Variants in PDE3A observed in about 807,000 individuals in gnomAD.
The protein encoded by PDE3A is phosphodiesterase 3A, also known as cGMP-inhibited 3',5'-cyclic phosphodiesterase 3A.
A neutral mutation model predicts 98.3 loss-of-function variants in PDE3A; 43 were observed. The observed-to-expected ratio is 0.44, with a 90% CI of 0.34 to 0.56. The LOEUF (loss-of-function observed/expected upper bound fraction) is 0.56, where lower values mean the gene tolerates loss of function less well. Ranked by LOEUF, PDE3A falls within the 20% of genes least tolerant of loss-of-function variation. PDE3A has a pLI of 0.01. For synonymous variants in PDE3A, 663 were observed against 567.9 expected (o/e 1.17, Z -2.38); for missense variants, 1,427 against 1,440.7 (o/e 0.99, Z 0.15).
chr12:20,644,336 C>A (rs966552854), intron 10 of PDE3A, among the ~76,000 whole-genome samples: 1 of 152,160 alleles, frequency 6.6e-6, no homozygotes, highest in South Asian at 2.1e-4. Context: ...AATGTTTACA[C>A]AAATTACAAA....
intron 1 of PDE3A, among the ~76,000 whole-genome samples, chr12:20,505,641 T>C (rs1474168373): frequency 2.0e-5 from 3 of 152,162 alleles, no homozygotes; most frequent in Non-Finnish European, 4.4e-5. Context: ...AGCAGATTTA[T>C]CATGCCATTT....
At chr12:20,424,756 A>T (rs1944576780) in intron 1 of PDE3A, among the ~76,000 whole-genome samples, 1 of 152,224 alleles carries the variant, frequency 6.6e-6, no homozygotes, top group Non-Finnish European at 1.5e-5. Flanking sequence ...ACAAACTGTT[A>T]AGTCTTAACA....
rs1943928611 is a variant in PDE3A at position 20,613,716 on chromosome 12, A to T, written c.1269+16A>T. On this transcript the variant is annotated intron_variant, in intron 3 of 15. Coordinates refer to ENST00000359062, the MANE Select transcript of PDE3A (RefSeq NM_000921.5). ...TATTCCAAAGGTAGGTAGTAATGACATACCCCTTAAAGGGTTAAACTATTT... is the reference window on the plus strand; with the variant it reads ...TATTCCAAAGGTAGGTAGTAATGACTTACCCCTTAAAGGGTTAAACTATTT... The T allele has an allele frequency of 1.9e-6, 3 of 1,600,298 alleles. No homozygotes were observed. Among genetic ancestry groups the T allele is most frequent in the Non-Finnish European group, 2.6e-6 (3 of 1,167,494 alleles).
intron 15 of PDE3A, among the ~76,000 whole-genome samples, chr12:20,667,548 G>T (rs116493202): frequency 6.6e-6 from 1 of 152,104 alleles, no homozygotes; most frequent in Admixed American, 6.5e-5. Context: ...TTCAATATAT[G>T]TTCTTGGCAC....
chr12:20,605,588 G>T (rs990545066), intron 2 of PDE3A, among the ~76,000 whole-genome samples: 2 of 151,976 alleles, frequency 1.3e-5, no homozygotes, highest in African/African-American at 2.4e-5. Context: ...AAAAGATCCC[G>T]CCCAGTTCTC....
chr12:20,450,407 G>A (rs926566249), intron 1 of PDE3A, among the ~76,000 whole-genome samples: 1 of 152,120 alleles, frequency 6.6e-6, no homozygotes, highest in Non-Finnish European at 1.5e-5. Flanking sequence ...CCATATTCTT[G>A]AACCTTTTAG....
At chr12:20,597,956 CA>C (rs1592095317) in intron 2 of PDE3A, among the ~76,000 whole-genome samples, 2 of 151,624 alleles carry the variant, frequency 1.3e-5, no homozygotes, top group East Asian at 3.9e-4. Flanking sequence ...AACAAACAAA[CA>C]AAATTCTATC....
rs1942255364 is a variant in PDE3A, at chr12:20,552,916, C to T, written c.961-3744C>T. 6 of 1,597,108 alleles carry T rather than the reference C, an allele frequency of 3.8e-6. No homozygotes were observed. Among genetic ancestry groups the T allele is most frequent in the Non-Finnish European group, 5.1e-6 (6 of 1,172,074 alleles). On this transcript the variant is annotated intron_variant, in intron 1 of 15. Transcript: ENST00000359062. This position sits in a 1 kb window ranked among gnomAD's most constrained non-coding sequence, Gnocchi z 5.1. ...ACAGGTGTTCAGCTGCCCTGCCTGC[C>T]GCTACGACCTGGGCCGCAGCTATGC...
intron 15 of PDE3A, among the ~76,000 whole-genome samples, chr12:20,673,427 A>G (rs1020997812): frequency 7.0e-6 from 1 of 143,388 alleles, no homozygotes; most frequent in Non-Finnish European, 1.5e-5. Context: ...ATTATTCACA[A>G]TAGCAAAGAC....
At chr12:20,620,277 C>A (rs1944101845) in intron 4 of PDE3A, among the ~76,000 whole-genome samples, 1 of 152,100 alleles carries the variant, frequency 6.6e-6, no homozygotes, top group East Asian at 1.9e-4. Flanking sequence ...CATTGCCAAT[C>A]TAAGATTGGC....
intron 1 of PDE3A, among the ~76,000 whole-genome samples, chr12:20,501,909 A>G (rs1438328528): frequency 2.0e-5 from 3 of 152,140 alleles, no homozygotes; most frequent in Non-Finnish European, 2.9e-5. Context: ...GCATCCTGAT[A>G]TGATATTAAA....
chr12:20,614,893 A>G (rs921598541), intron 3 of PDE3A, among the ~76,000 whole-genome samples: 1 of 151,836 alleles, frequency 6.6e-6, no homozygotes, highest in Non-Finnish European at 1.5e-5. Flanking sequence ...TTGGTTTATT[A>G]GGAGTGATTA....
intron 2 of PDE3A, among the ~76,000 whole-genome samples, chr12:20,574,652 A>G (rs116261568): frequency 0.012 from 1,788 of 152,008 alleles, 32 homozygotes; most frequent in African/African-American, 0.041. Context: ...CCACCTGTAT[A>G]TCATGCTATA....
chr12:20,625,698 G>A (rs1944245800), intron 5 of PDE3A, among the ~76,000 whole-genome samples: 1 of 152,066 alleles, frequency 6.6e-6, no homozygotes, highest in Non-Finnish European at 1.5e-5. Context: ...CTGTAGTATT[G>A]TTTATTTTCT....
chr12:20,420,673 A>G (rs974758281), intron 1 of PDE3A, among the ~76,000 whole-genome samples: 6 of 152,130 alleles, frequency 3.9e-5, no homozygotes, highest in Non-Finnish European at 7.4e-5. Context: ...CACAGGCCTT[A>G]CTTTTTATTG....
chr12:20,569,609 AAAG>A (rs1208923603), intron 2 of PDE3A, among the ~76,000 whole-genome samples: 9 of 152,158 alleles, frequency 5.9e-5, no homozygotes, highest in South Asian at 2.1e-4. Context: ...TTGACATCAA[AAAG>A]AAGAATATGT....
At chr12:20,438,764 C>CTT (rs57996665) in intron 1 of PDE3A, among the ~76,000 whole-genome samples, 3 of 146,044 alleles carry the variant, frequency 2.1e-5, no homozygotes, top group South Asian at 2.2e-4. Flanking sequence ...AAGATGTTGT[C>CTT]TTTTTTTTTT....
At chr12:20,499,061 A>G (rs10841556) in intron 1 of PDE3A, among the ~76,000 whole-genome samples, 39,358 of 152,080 alleles carry the variant, frequency 0.26, 6,420 homozygotes, top group East Asian at 0.42. Context: ...TTAAAAAATT[A>G]TATCCTGTGG....
At chr12:20,452,378 G>C (rs1420482083) in intron 1 of PDE3A, among the ~76,000 whole-genome samples, 1 of 152,148 alleles carries the variant, frequency 6.6e-6, no homozygotes, top group Non-Finnish European at 1.5e-5. Flanking sequence ...ATCAGCATTA[G>C]AACTGAAGTC....
Sources: gnomAD v4.1 joint callset for allele counts (sites outside exome capture counted in the v4.1 genomes callset) on GRCh38, gnomAD v4.1.1 for gene constraint, Gnocchi (gnomAD v3.1) non-coding constraint, MANE v1.5 for transcripts, NCBI Gene and HGNC (gene_info 2026-07-23, HGNC 2026-07-21) for gene names.